The following NUBP1 variants were observed in gnomAD, a reference collection of about 807,000 sequenced individuals.
NUBP1 encodes cytosolic Fe-S cluster assembly factor NUBP1.
Under a neutral mutation model 41.8 loss-of-function variants are expected in NUBP1, and 46 were observed. The ratio of observed to expected loss-of-function variants is 1.10; its 90% CI spans 0.87 to 1.41. The LOEUF is 1.41. Among genes scored for constraint, NUBP1 ranks in the 40% most tolerant of loss-of-function variants. The pLI, the probability that NUBP1 is intolerant of heterozygous loss-of-function variation, is 0.00. For synonymous variants in NUBP1, 189 were observed against 154.6 expected (o/e 1.22, Z -1.65); for missense variants, 494 against 414.0 (o/e 1.19, Z -1.68).
rs1207090632 is a variant in NUBP1 at position 10,757,116 on chromosome 16, A to G, written c.451+336A>G. On this transcript the variant is annotated intron_variant, in intron 6 of 10. Transcript: ENST00000283027. This position sits in a 1 kb window ranked among gnomAD's most constrained non-coding sequence, Gnocchi z 4.1. The stretch of plus-strand genomic sequence containing the variant: ...GGAGTTCAAGACCAGCCTCGCCGAC[A>G]TGGTGAAACCCTGTCTCTACCAAAA... 6.6e-6 allele frequency among the ~76,000 whole-genome samples: 1 copy of G among 152,114 alleles called. No individual in the cohort carries two copies. The highest frequency in any genetic ancestry group is 2.4e-5 in the African/African-American group (1 of 41,406).
In NUBP1 at chr16:10,757,529, C is replaced by CT. The variant is rs571897232; in HGVS notation, c.452-343dup. On this transcript the variant is annotated intron_variant, in intron 6 of 10. Coordinates refer to ENST00000283027, the MANE Select transcript of NUBP1 (RefSeq NM_002484.4). This position sits in a 1 kb window ranked among gnomAD's most constrained non-coding sequence, Gnocchi z 4.1. Reference sequence around the variant, plus strand: ...CACCATAGGGTGTTAAACAGTGTCCCTGGCCTTTACCCACAAGATGCCAGT... The same window carrying CT: ...CACCATAGGGTGTTAAACAGTGTCCCTTGGCCTTTACCCACAAGATGCCAGT... Among the ~76,000 whole-genome samples, 4 of 152,256 alleles carry CT rather than the reference C, an allele frequency of 2.6e-5. No individual in the cohort carries two copies. The East Asian group carries it at 7.7e-4, about 29-fold the overall frequency.
At chr16:10,750,730 C>G (rs1378195382) in intron 3 of NUBP1, among the ~76,000 whole-genome samples, 1 of 152,158 alleles carries the variant, frequency 6.6e-6, no homozygotes, top group African/African-American at 2.4e-5. Flanking sequence ...GCCAAGGCTT[C>G]GAAAGCAGAA....
In NUBP1 at chr16:10,769,171, A is replaced by C; in HGVS notation, c.*66A>C. The stretch of plus-strand genomic sequence containing the variant: ...CACTCACTGGGCAGCACATCCAGCC[A>C]GACCCGACCAGCTCCGGGATGGGGT... On this transcript the variant is annotated 3_prime_UTR_variant, in exon 11 of 11. Transcript: ENST00000283027. 6.8e-7 allele frequency: 1 copy of C among 1,466,358 alleles called. No homozygotes were observed. The highest frequency in any genetic ancestry group is 9.5e-7 in the Non-Finnish European group (1 of 1,048,162). 90.8% of individuals were successfully genotyped at this position (1,466,358 alleles called of 1,614,324 possible).
At chr16:10,761,959 G>A in intron 9 of NUBP1, 100 bp downstream of exon 9, 1 of 910,982 alleles carries the variant, frequency 1.1e-6, no homozygotes, top group African/African-American at 1.7e-5. Flanking sequence ...GGCAATGGAA[G>A]GAGGAGGGTC....
At chr16:10,746,328 C>T (rs1089897) in intron 2 of NUBP1, among the ~76,000 whole-genome samples, 75,914 of 152,100 alleles carry the variant, frequency 0.5, 21,522 homozygotes, top group African/African-American at 0.78. Context: ...CTCAGCACTG[C>T]TGACATTTGG....
chr16:10,747,319 G>A, intron 3 of NUBP1, 43 bp downstream of exon 3: 2 of 1,603,626 alleles, frequency 1.2e-6, no homozygotes, highest in Non-Finnish European at 1.7e-6. Context: ...TTTTGTCTGA[G>A]GGTCGTGATG....
rs149715840 is a variant in NUBP1, at chr16:10,747,323, C to T, written c.258+47C>T. 8.0e-5 allele frequency: 128 copies of T among 1,602,362 alleles called. 1 individual carries two copies. In the African/African-American group the frequency reaches 9.1e-4, roughly 11 times the overall value. ...GGAGATGCTCATTTTGTCTGAGGGT[C>T]GTGATGGCTACTAAATAACTGATTC... On this transcript the variant is annotated intron_variant, in intron 3 of 10. Transcript: ENST00000283027.
intron 9 of NUBP1, chr16:10,762,148 A>T: frequency 3.6e-6 from 1 of 281,086 alleles, no homozygotes; most frequent in Non-Finnish European, 6.8e-6. Context: ...TGAGGAGGGC[A>T]CCCGATAGAG....
rs1000907637 is a variant in NUBP1, at chr16:10,768,907, G to C, written c.905-140G>C. The C allele has an allele frequency of 8.5e-6, 6 of 705,116 alleles. No individual in the cohort carries two copies. The highest frequency in any genetic ancestry group is 5.4e-5 in the African/African-American group (3 of 55,584). 43.7% of individuals were successfully genotyped at this position (705,116 alleles called of 1,614,324 possible). A position where few individuals can be genotyped will look rare whatever the true frequency, so the allele number is the denominator to read the frequency against. On this transcript the variant is annotated intron_variant, in intron 10 of 10. Coordinates refer to ENST00000283027, the MANE Select transcript of NUBP1 (RefSeq NM_002484.4). The surrounding 1 kb of genome is among the most constrained non-coding windows in gnomAD (Gnocchi z 4.3). ...TTCCGGTCACTTTCAAAGACTCAGG[G>C]CATCACAGACACAGGTCTTTTTATG...
rs1350282730 is a variant in NUBP1 at position 10,766,933 on chromosome 16, C to CTA, written c.821-1014_821-1013dup. The CTA allele has an allele frequency of 1.3e-5, 5 of 398,550 alleles. No individual in the cohort carries two copies. The Admixed American group carries it at 1.3e-4, about 11-fold the overall frequency. The allele number at this position is 398,550 out of a possible 1,614,324, so 24.7% of individuals were successfully genotyped here. On this transcript the variant is annotated intron_variant, in intron 9 of 10. Coordinates refer to ENST00000283027, the MANE Select transcript of NUBP1 (RefSeq NM_002484.4). This position sits in a 1 kb window ranked among gnomAD's most constrained non-coding sequence, Gnocchi z 4.8. ...GCCTTATGTTCCCTGCCTCTGGACC[C>CTA]TATTTTCCTGACTCACTGGGCCATA...
chr16:10,761,925 C>G (rs2029975221), intron 9 of NUBP1, 66 bp downstream of exon 9: 2 of 1,255,212 alleles, frequency 1.6e-6, no homozygotes, highest in Non-Finnish European at 2.3e-6. Context: ...GGGTCGGGCA[C>G]AACAGGGGGC....
Position 10,768,400 on chromosome 16 carries a change from A to G in NUBP1, c.904+368A>G, listed in dbSNP as rs1352859729. On this transcript the variant is annotated intron_variant, in intron 10 of 10. Coordinates refer to ENST00000283027, the MANE Select transcript of NUBP1 (RefSeq NM_002484.4). This position sits in a 1 kb window ranked among gnomAD's most constrained non-coding sequence, Gnocchi z 4.3. The stretch of plus-strand genomic sequence containing the variant: ...GGCAGATCACTTGAGGCTGGTCAGG[A>G]GTTCAAGACCAGCCTGGCTAACATG... 1.8e-5 allele frequency: 3 copies of G among 169,068 alleles called. No homozygotes were observed. In the Admixed American group the frequency reaches 1.8e-4, roughly 10 times the overall value. 10.5% of individuals were successfully genotyped at this position (169,068 alleles called of 1,614,324 possible).
intron 5 of NUBP1, among the ~76,000 whole-genome samples, chr16:10,756,470 TG>T (rs1165360387): frequency 6.6e-6 from 1 of 151,406 alleles, no homozygotes; most frequent in East Asian, 1.9e-4. Context: ...CTGCAGCCCA[TG>T]GACATACAGT....
Position 10,757,786 on chromosome 16 carries a change from G to C in NUBP1, c.452-87G>C, listed in dbSNP as rs1202471679. ...AGAGCCAACCTGGGCAACATAGCAA[G>C]ACCCCATCCTTTAAAAAAAAAAGAG... is the stretch of plus-strand genomic sequence containing the variant. On this transcript the variant is annotated intron_variant, in intron 6 of 10. Coordinates refer to ENST00000283027, the MANE Select transcript of NUBP1 (RefSeq NM_002484.4). The surrounding 1 kb of genome is among the most constrained non-coding windows in gnomAD (Gnocchi z 4.1). 5.3e-6 allele frequency: 8 copies of C among 1,523,084 alleles called. No homozygotes were observed. The East Asian group carries it at 1.8e-4, about 35-fold the overall frequency. 94.3% of individuals were successfully genotyped at this position (1,523,084 alleles called of 1,614,324 possible). A position where few individuals can be genotyped will look rare whatever the true frequency, so the allele number is the denominator to read the frequency against.
intron 2 of NUBP1, among the ~76,000 whole-genome samples, chr16:10,745,730 A>G (rs1206927712): frequency 1.3e-5 from 2 of 152,232 alleles, no homozygotes; most frequent in Admixed American, 6.5e-5. Context: ...CGTGCCCAGT[A>G]TATCTACACT....
chr16:10,767,467 AGTGT>A lies in NUBP1; in HGVS notation c.821-477_821-474del, dbSNP rs1468126072. ...CCCATTCGTATTTTAGGTATATGAG[AGTGT>A]GTGTATGTGTGTGCGCACACATGCA... On this transcript the variant is annotated intron_variant, in intron 9 of 10. Transcript: ENST00000283027. The surrounding 1 kb of genome is among the most constrained non-coding windows in gnomAD (Gnocchi z 4.6). 54 of 393,860 alleles carry A rather than the reference AGTGT, an allele frequency of 1.4e-4. No individual in the cohort carries two copies. In the East Asian group the frequency reaches 1.7e-3, roughly 13 times the overall value. The allele number at this position is 393,860 out of a possible 1,614,324, so 24.4% of individuals were successfully genotyped here.
rs1054427508 is a variant in NUBP1 at position 10,765,062 on chromosome 16, G to C, written c.821-2887G>C. The C allele has an allele frequency of 9.6e-5, 15 of 155,948 alleles. No homozygotes were observed. The highest frequency in any genetic ancestry group is 1.9e-4 in the East Asian group (1 of 5,196). The allele number at this position is 155,948 out of a possible 1,614,324, so 9.7% of individuals were successfully genotyped here. A position where few individuals can be genotyped will look rare whatever the true frequency, so the allele number is the denominator to read the frequency against. On this transcript the variant is annotated intron_variant, in intron 9 of 10. Transcript: ENST00000283027. The surrounding 1 kb of genome is among the most constrained non-coding windows in gnomAD (Gnocchi z 4.0). ...CATGCTCGTCTCAGTCACTAGCTAG[G>C]AGCAGCCTGGGAGTGGCATTGCCTC...
At chr16:10,755,628 C>T in intron 4 of NUBP1, 93 bp from the exon 5 acceptor site, 1 of 1,301,890 alleles carries the variant, frequency 7.7e-7, no homozygotes, top group East Asian at 2.3e-5. Flanking sequence ...TTTTAAAAAA[C>T]CATCGTCTTA....
In NUBP1 at chr16:10,765,660, C is replaced by A. The variant is rs886795301; in HGVS notation, c.821-2289C>A. On this transcript the variant is annotated intron_variant, in intron 9 of 10. Coordinates refer to ENST00000283027, the MANE Select transcript of NUBP1 (RefSeq NM_002484.4). This position sits in a 1 kb window ranked among gnomAD's most constrained non-coding sequence, Gnocchi z 4.0. The stretch of plus-strand genomic sequence containing the variant: ...GGCTTTTCTTCCAAAGAGCCAGCAA[C>A]CTCCATCTTCCCACCTCCCTCACAC... 6.6e-6 allele frequency among the ~76,000 whole-genome samples: 1 copy of A among 152,192 alleles called. No individual in the cohort carries two copies. Among genetic ancestry groups the A allele is most frequent in the Non-Finnish European group, 1.5e-5 (1 of 68,028 alleles).
Sources: gnomAD v4.1 joint callset for allele counts (sites outside exome capture counted in the v4.1 genomes callset) on GRCh38, gnomAD v4.1.1 for gene constraint, Gnocchi (gnomAD v3.1) non-coding constraint, MANE v1.5 for transcripts, NCBI Gene and HGNC (gene_info 2026-07-23, HGNC 2026-07-21) for gene names.